The following ANKRD16 variants were observed in gnomAD, a reference collection of about 807,000 sequenced individuals.
ANKRD16 encodes the protein ankyrin repeat domain-containing protein 16.
Under a neutral mutation model 37.9 loss-of-function variants are expected in ANKRD16, and 35 were observed. The observed-to-expected ratio is 0.92, with a 90% CI of 0.71 to 1.23. ANKRD16 has a LOEUF of 1.23. Among genes scored for constraint, ANKRD16 ranks in the 50% most tolerant of loss-of-function variants. The probability of loss-of-function intolerance (pLI) is 0.00; values close to 1 mark genes in which losing one functional copy is unlikely to be tolerated. For synonymous variants in ANKRD16, 206 were observed against 197.2 expected (o/e 1.04, Z -0.37); for missense variants, 480 against 469.9 (o/e 1.02, Z -0.20).
Position 5,878,283 on chromosome 10 carries a change from C to T in ANKRD16, c.933G>A (p.Leu311=). ...NSKDEKNRSA[L]HLACAGQHLA... ...AGTGCTGACCTGCACAGGCCAGATG[C>T]AGGGCTGAGGGGTGACAAAAATCAC... Residue 311 remains leucine (L), a synonymous_variant, in exon 7 of 8, where the codon CTG becomes CTA. Coordinates refer to ENST00000380094, the MANE Select transcript of ANKRD16 (RefSeq NM_019046.3). This position sits in a 1 kb window ranked among gnomAD's most constrained non-coding sequence, Gnocchi z 5.1. 1 of 1,613,278 alleles carries T rather than the reference C, an allele frequency of 6.2e-7. No individual in the cohort carries two copies.
chr10:5,868,297 G>A lies in ANKRD16; in HGVS notation c.*34-5606C>T, dbSNP rs895171696. Among the ~76,000 whole-genome samples the A allele has an allele frequency of 3.3e-5, 5 of 152,124 alleles. No individual in the cohort carries two copies. The highest frequency in any genetic ancestry group is 9.7e-5 in the African/African-American group (4 of 41,416). On this transcript the variant is annotated intron_variant, in intron 7 of 7. Coordinates refer to ENST00000380094, the MANE Select transcript of ANKRD16 (RefSeq NM_019046.3). The surrounding 1 kb of genome is among the most constrained non-coding windows in gnomAD (Gnocchi z 4.9). ...CTGGCCTAAAGAGTTCCCCTCTAGA[G>A]GACACTACAACTGCAGGGACCCTTC...
intron 1 of ANKRD16, 125 bp downstream of exon 1, chr10:5,888,916 A>C (rs1370259045): frequency 9.5e-7 from 1 of 1,052,238 alleles, no homozygotes; most frequent in East Asian, 3.0e-5. Context: ...GCCGCTGAGC[A>C]GGCCTGGGGT....
Position 5,883,129 on chromosome 10 carries a change from A to T in ANKRD16, c.726T>A (p.Ala242=). 3.1e-6 allele frequency: 5 copies of T among 1,614,026 alleles called. No homozygotes were observed. The highest frequency in any genetic ancestry group is 4.2e-6 in the Non-Finnish European group (5 of 1,180,032). ...LSAEDSLGAQ[A]LHRAAVTGQD... Reference sequence around the variant, plus strand: ...GCCCTGTGACAGCTGCCCTGTGCAGAGCCTGGGCACCCAGGCTGTCTTCTG... The same window carrying T: ...GCCCTGTGACAGCTGCCCTGTGCAGTGCCTGGGCACCCAGGCTGTCTTCTG... The change falls in exon 5 of 8, where the codon GCT becomes GCA. Residue 242 remains alanine, a synonymous_variant. Transcript: ENST00000380094.
chr10:5,889,366 G>C lies in ANKRD16; in HGVS notation c.-12C>G. ...CCGGGCTGGGCCATCGCCGCGGGTC[G>C]GGCCGGGCTGCGCGGGGAGGCGGCG... On this transcript the variant is annotated 5_prime_UTR_variant, in exon 1 of 8. Transcript: ENST00000380094. The C allele has an allele frequency of 3.3e-6, 4 of 1,208,574 alleles. No individual in the cohort carries two copies. Among genetic ancestry groups the C allele is most frequent in the Non-Finnish European group, 4.1e-6 (4 of 975,044 alleles). 74.9% of individuals were successfully genotyped at this position (1,208,574 alleles called of 1,614,324 possible).
At chr10:5,882,206 GC>G (rs1842328002) in intron 5 of ANKRD16, among the ~76,000 whole-genome samples, 1 of 152,172 alleles carries the variant, frequency 6.6e-6, no homozygotes, top group Non-Finnish European at 1.5e-5. Flanking sequence ...TATCTACCCA[GC>G]TGCTCGAAAG....
intron 6 of ANKRD16, among the ~76,000 whole-genome samples, 191 bp downstream of exon 6, chr10:5,880,107 G>C (rs751603501): frequency 7.0e-6 from 1 of 143,726 alleles, no homozygotes; most frequent in Non-Finnish European, 1.5e-5. Flanking sequence ...GCAGAGAGCT[G>C]AGATGGCGTG....
Position 5,874,644 on chromosome 10 carries a change from C to CT in ANKRD16, c.*33+3452dup, listed in dbSNP as rs1842157974. On this transcript the variant is annotated intron_variant, in intron 7 of 7. Transcript: ENST00000380094. The surrounding 1 kb of genome is among the most constrained non-coding windows in gnomAD (Gnocchi z 4.7). ...CACCAACCAAGGCAGGAATGCAGGC[C>CT]TGTATGTCAGTGGGTTGTGGGGAAG... Among the ~76,000 whole-genome samples, 1 of 152,150 alleles carries CT rather than the reference C, an allele frequency of 6.6e-6. No homozygotes were observed. The highest frequency in any genetic ancestry group is 6.5e-5 in the Admixed American group (1 of 15,278).
chr10:5,872,242 G>A (rs1351809025), intron 7 of ANKRD16, among the ~76,000 whole-genome samples: 1 of 152,146 alleles, frequency 6.6e-6, no homozygotes, highest in Non-Finnish European at 1.5e-5. Flanking sequence ...ACTTTGGGAG[G>A]CTGAGGCGGG....
At chr10:5,881,083 G>A (rs967140314) in intron 5 of ANKRD16, 18 of 850,242 alleles carry the variant, frequency 2.1e-5, no homozygotes, top group Admixed American at 1.2e-4. Flanking sequence ...ACAGGTGTGA[G>A]CCACTGCGCC....
At chr10:5,867,346 G>A (rs1407659757) in intron 7 of ANKRD16, among the ~76,000 whole-genome samples, 1 of 152,192 alleles carries the variant, frequency 6.6e-6, no homozygotes, top group Non-Finnish European at 1.5e-5. Context: ...GACACAATGG[G>A]TATTCAGTAA....
In ANKRD16 at chr10:5,885,444, A is replaced by T. The variant is rs181174864; in HGVS notation, c.578+279T>A. Among the ~76,000 whole-genome samples, 770 of 152,234 alleles carry T rather than the reference A, an allele frequency of 5.1e-3. 4 individuals carry two copies. The highest frequency in any genetic ancestry group is 0.01 in the Middle Eastern group (3 of 294). Reference sequence around the variant, plus strand: ...TGATCCGCCCGCCTCGGCCTCGCAAAGTGCTGGGATTACAGGCGTGAGCCA... The same window carrying T: ...TGATCCGCCCGCCTCGGCCTCGCAATGTGCTGGGATTACAGGCGTGAGCCA... On this transcript the variant is annotated intron_variant, in intron 3 of 7. Coordinates refer to ENST00000380094, the MANE Select transcript of ANKRD16 (RefSeq NM_019046.3).
In ANKRD16 at chr10:5,869,306, C is replaced by T. The variant is rs1023877552; in HGVS notation, c.*34-6615G>A. On this transcript the variant is annotated intron_variant, in intron 7 of 7. Transcript: ENST00000380094. The surrounding 1 kb of genome is among the most constrained non-coding windows in gnomAD (Gnocchi z 4.0). Reference sequence around the variant, plus strand: ...TATCAAGGATGTGCAGCTTTGTGTACCAATTATACCTCAGTAAAACCATTA... The same window carrying T: ...TATCAAGGATGTGCAGCTTTGTGTATCAATTATACCTCAGTAAAACCATTA... Among the ~76,000 whole-genome samples the T allele has an allele frequency of 6.6e-6, 1 of 152,050 alleles. No individual in the cohort carries two copies. The highest frequency in any genetic ancestry group is 2.4e-5 in the African/African-American group (1 of 41,368).
intron 7 of ANKRD16, among the ~76,000 whole-genome samples, chr10:5,876,294 C>T (rs1198827156): frequency 4.6e-5 from 7 of 152,134 alleles, no homozygotes; most frequent in African/African-American, 1.2e-4. Context: ...CTAGGAAAAC[C>T]GGGGACAACA....
rs114492447 is a variant in ANKRD16, at chr10:5,871,042, C to T, written c.*33+7055G>A. 7.4e-3 allele frequency among the ~76,000 whole-genome samples: 1,131 copies of T among 152,310 alleles called. 14 individuals carry two copies. Among genetic ancestry groups the T allele is most frequent in the African/African-American group, 0.026 (1,080 of 41,560 alleles). ...GCCAATCAAGTCCCTGTCGTCACCA[C>T]GATTGGCAGAGGCCAGCCCTCACTC... On this transcript the variant is annotated intron_variant, in intron 7 of 7. Transcript: ENST00000380094. The surrounding 1 kb of genome is among the most constrained non-coding windows in gnomAD (Gnocchi z 4.5).
In ANKRD16 at chr10:5,878,151, A is replaced by G; in HGVS notation, c.1065T>C (p.Ser355=). The change falls in exon 7 of 8, where the codon TCT becomes TCC. Residue 355 remains serine (S), a synonymous_variant. Coordinates refer to ENST00000380094, the MANE Select transcript of ANKRD16 (RefSeq NM_019046.3). The surrounding 1 kb of genome is among the most constrained non-coding windows in gnomAD (Gnocchi z 5.1). ...LPRRADVLQG[S]GHSAMT ...ATCCTTATGTCATTGCGCTATGGCCAGAGCCCTGAAGGACATCTGCTCTCC... is the reference window on the plus strand; with the variant it reads ...ATCCTTATGTCATTGCGCTATGGCCGGAGCCCTGAAGGACATCTGCTCTCC... 6.2e-7 allele frequency: 1 copy of G among 1,614,188 alleles called. No homozygotes were observed. The highest frequency in any genetic ancestry group is 8.5e-7 in the Non-Finnish European group (1 of 1,180,008).
rs1320077268 is a variant in ANKRD16 at position 5,889,568 on chromosome 10, C to T, written c.-214G>A. Reference sequence around the variant, plus strand: ...GGCCTAGTCCGCAGGCGGGCTGCCCCCTCACAGCCCCGGCCTGCCCCGCGT... The same window carrying T: ...GGCCTAGTCCGCAGGCGGGCTGCCCTCTCACAGCCCCGGCCTGCCCCGCGT... On this transcript the variant is annotated 5_prime_UTR_variant, in exon 1 of 8. Transcript: ENST00000380094. The T allele has an allele frequency of 3.9e-6, 1 of 257,202 alleles. No homozygotes were observed. The highest frequency in any genetic ancestry group is 7.1e-6 in the Non-Finnish European group (1 of 141,570). 15.9% of individuals were successfully genotyped at this position (257,202 alleles called of 1,614,324 possible).
At chr10:5,885,658 G>C (rs1049029868) in intron 3 of ANKRD16, 65 bp downstream of exon 3, 22 of 1,564,150 alleles carry the variant, frequency 1.4e-5, no homozygotes, top group Non-Finnish European at 1.9e-5. Flanking sequence ...TCTTTATGTA[G>C]CACTGATATC....
chr10:5,888,899 G>A lies in ANKRD16; in HGVS notation c.314+142C>T, dbSNP rs1250058584. The A allele has an allele frequency of 8.1e-6, 7 of 865,470 alleles. No homozygotes were observed. The African/African-American group carries it at 1.0e-4, about 13-fold the overall frequency. The allele number at this position is 865,470 out of a possible 1,614,324, so 53.6% of individuals were successfully genotyped here. A position where few individuals can be genotyped will look rare whatever the true frequency, so the allele number is the denominator to read the frequency against. On this transcript the variant is annotated intron_variant, in intron 1 of 7. Coordinates refer to ENST00000380094, the MANE Select transcript of ANKRD16 (RefSeq NM_019046.3). ...CGTTATAAGGGAAAGTTGGGCAGGAGGTCCCTGCCGCTGAGCAGGCCTGGG... is the reference window on the plus strand; with the variant it reads ...CGTTATAAGGGAAAGTTGGGCAGGAAGTCCCTGCCGCTGAGCAGGCCTGGG...
In ANKRD16 at chr10:5,870,922, G is replaced by T. The variant is rs1383625559; in HGVS notation, c.*33+7175C>A. Among the ~76,000 whole-genome samples the T allele has an allele frequency of 6.6e-6, 1 of 152,186 alleles. No homozygotes were observed. The highest frequency in any genetic ancestry group is 1.9e-4 in the East Asian group (1 of 5,192). Reference sequence around the variant, plus strand: ...CCACTCCCCGTGCTTTCCCAGGAGCGCCCAGGCCTGTCCTCAGTATCAAGT... The same window carrying T: ...CCACTCCCCGTGCTTTCCCAGGAGCTCCCAGGCCTGTCCTCAGTATCAAGT... On this transcript the variant is annotated intron_variant, in intron 7 of 7. Transcript: ENST00000380094. The surrounding 1 kb of genome is among the most constrained non-coding windows in gnomAD (Gnocchi z 5.0).
Sources: gnomAD v4.1 joint callset for allele counts (sites outside exome capture counted in the v4.1 genomes callset) on GRCh38, gnomAD v4.1.1 for gene constraint, Gnocchi (gnomAD v3.1) non-coding constraint, MANE v1.5 for transcripts, NCBI Gene and HGNC (gene_info 2026-07-23, HGNC 2026-07-21) for gene names.